The following PCDHGA2 variants were observed in gnomAD, a reference collection of about 807,000 sequenced individuals.
PCDHGA2 encodes protocadherin gamma subfamily A, 2.
PCDHGA2 carries 40 observed loss-of-function variants against 59.2 expected under a neutral mutation model. The observed-to-expected ratio is 0.68, with a 90% CI of 0.52 to 0.88. The LOEUF is 0.88. PCDHGA2 is among the 40% of genes least tolerant of loss of function. The probability of loss-of-function intolerance (pLI) is 0.00; values close to 1 mark genes in which losing one functional copy is unlikely to be tolerated. For missense variants in PCDHGA2, 1,226 were observed against 1,204.0 expected (o/e 1.02, Z -0.27); for synonymous variants, 560 against 526.0 (o/e 1.06, Z -0.89).
At position 141,385,168 on chromosome 5, in the gene PCDHGA2, G is replaced by T. The variant is rs376175214; in HGVS notation, c.2424+43773G>T. On this transcript the variant is annotated intron_variant, in intron 1 of 3. Transcript: ENST00000394576. ...TTTCCTGCAGACCTATTCCCATGAG[G>T]TCTCCCTCACCGCGGACTCTCGGAA... 1.5e-5 allele frequency: 24 copies of T among 1,614,100 alleles called. No individual in the cohort carries two copies. Among genetic ancestry groups the T allele is most frequent in the Non-Finnish European group, 2.0e-5 (24 of 1,180,058 alleles).
intron 1 of PCDHGA2, among the ~76,000 whole-genome samples, chr5:141,348,950 C>T (rs1330872112): frequency 6.6e-6 from 1 of 152,180 alleles, no homozygotes; most frequent in Non-Finnish European, 1.5e-5. Context: ...CCTGGAACTA[C>T]AGAATAAGTT....
chr5:141,359,093 T>C (rs970886110), intron 1 of PCDHGA2, among the ~76,000 whole-genome samples: 2 of 152,204 alleles, frequency 1.3e-5, no homozygotes, highest in African/African-American at 4.8e-5. Context: ...AGTTTCTACA[T>C]GGTTTTGTAT....
At chr5:141,434,392 C>T (rs906051301) in intron 1 of PCDHGA2, among the ~76,000 whole-genome samples, 4 of 152,210 alleles carry the variant, frequency 2.6e-5, no homozygotes, top group African/African-American at 9.6e-5. Context: ...TGGCCATAAA[C>T]AAAATCTCTG....
At position 141,352,484 on chromosome 5, in the gene PCDHGA2, G is replaced by A. The variant is rs769609031; in HGVS notation, c.2424+11089G>A. 2.7e-5 allele frequency: 44 copies of A among 1,613,872 alleles called. No homozygotes were observed. The highest frequency in any genetic ancestry group is 1.8e-4 in the Admixed American group (11 of 60,004). On this transcript the variant is annotated intron_variant, in intron 1 of 3. Transcript: ENST00000394576. ...CGGGGTTCCTCCCAACCACAGCGAG[G>A]GGACTTTGCCCTATTCCTACAATCT...
At position 141,489,947 on chromosome 5, in the gene PCDHGA2, A is replaced by G. The variant is rs368977481; in HGVS notation, c.2425-4860A>G. The G allele has an allele frequency of 5.4e-5, 87 of 1,614,090 alleles. No individual in the cohort carries two copies. Among genetic ancestry groups the G allele is most frequent in the South Asian group, 6.6e-5 (6 of 91,094 alleles). ...ATCTCTGTCATCGTGCTGGACATCA[A>G]TGATAATGCTCCAACCTTCCAATCC... On this transcript the variant is annotated intron_variant, in intron 1 of 3. Transcript: ENST00000394576. This position sits in a 1 kb window ranked among gnomAD's most constrained non-coding sequence, Gnocchi z 4.5.
At chr5:141,421,994 T>A (rs765586654) in intron 1 of PCDHGA2, 3 of 1,608,922 alleles carry the variant, frequency 1.9e-6, no homozygotes, top group Non-Finnish European at 2.5e-6. Flanking sequence ...CCAGAAAACA[T>A]CAGCTCCGGA....
At chr5:141,463,741 C>T (rs1011021860) in intron 1 of PCDHGA2, among the ~76,000 whole-genome samples, 3 of 152,034 alleles carry the variant, frequency 2.0e-5, no homozygotes, top group Admixed American at 1.3e-4. Context: ...CCACCGCGCC[C>T]GGCCTGCTTC....
intron 1 of PCDHGA2, chr5:141,372,934 G>A (rs1469163224): frequency 3.5e-6 from 3 of 866,562 alleles, no homozygotes; most frequent in Non-Finnish European, 5.1e-6. Flanking sequence ...CTGGTGTAGA[G>A]TAGGGTGTCT....
At chr5:141,352,825 T>TAAAATTACA in intron 1 of PCDHGA2, 1 of 778,004 alleles carries the variant, frequency 1.3e-6, no homozygotes, top group Non-Finnish European at 2.0e-6. Context: ...CCCGGTCTAC[T>TAAAATTACA]AAAATTACAA....
chr5:141,477,710 GA>G lies in PCDHGA2; in HGVS notation c.2425-17095del. ...GCCCCTAGACTATGAGGATCGGCGG[GA>G]ATTTGAATTAACAGCTCATATCAGC... On this transcript the variant is annotated intron_variant, in intron 1 of 3. Coordinates refer to ENST00000394576, the MANE Select transcript of PCDHGA2 (RefSeq NM_018915.4). This position sits in a 1 kb window ranked among gnomAD's most constrained non-coding sequence, Gnocchi z 4.9. 2 of 1,613,918 alleles carry G rather than the reference GA, an allele frequency of 1.2e-6. No individual in the cohort carries two copies. Among genetic ancestry groups the G allele is most frequent in the Non-Finnish European group, 1.7e-6 (2 of 1,180,044 alleles).
chr5:141,365,291 G>A (rs1485820114), intron 1 of PCDHGA2: 2 of 1,614,008 alleles, frequency 1.2e-6, no homozygotes, highest in Admixed American at 3.3e-5. Flanking sequence ...GGAAGTGGTA[G>A]CTCAGGATGG....
At chr5:141,376,518 T>G in intron 1 of PCDHGA2, 1 of 1,613,924 alleles carries the variant, frequency 6.2e-7, no homozygotes, top group Non-Finnish European at 8.5e-7. Context: ...GTGAGTTTCT[T>G]TCCGCCTAAG....
Position 141,491,401 on chromosome 5 carries a change from G to A in PCDHGA2, c.2425-3406G>A. The A allele has an allele frequency of 6.2e-7, 1 of 1,614,100 alleles. No homozygotes were observed. ...GTCAGCGAAGTGCCTTCAGGGAAAC[G>A]CAGACGGGGACGGGGGTGGAGGGCA... On this transcript the variant is annotated intron_variant, in intron 1 of 3. Transcript: ENST00000394576. This position sits in a 1 kb window ranked among gnomAD's most constrained non-coding sequence, Gnocchi z 6.9.
intron 1 of PCDHGA2, chr5:141,365,387 ACC>A (rs1763882130): frequency 6.2e-7 from 1 of 1,613,814 alleles, no homozygotes; most frequent in African/African-American, 1.3e-5. Context: ...CACCTCTCTG[ACC>A]AGTTCGATCT....
At chr5:141,408,687 T>C (rs1394182828) in intron 1 of PCDHGA2, 3 of 1,613,928 alleles carry the variant, frequency 1.9e-6, no homozygotes, top group East Asian at 2.2e-5. Flanking sequence ...GATCCTGATA[T>C]AAACATAAAC....
intron 1 of PCDHGA2, among the ~76,000 whole-genome samples, chr5:141,480,916 A>C (rs991166066): frequency 6.6e-6 from 1 of 152,106 alleles, no homozygotes; most frequent in East Asian, 1.9e-4. Flanking sequence ...ATGGTGGCGC[A>C]TACCTGTAGT....
chr5:141,433,703 G>T (rs1561871157), intron 1 of PCDHGA2, among the ~76,000 whole-genome samples: 1 of 152,098 alleles, frequency 6.6e-6, no homozygotes, highest in Non-Finnish European at 1.5e-5. Flanking sequence ...CGGGCGTGGT[G>T]GTGCATGTCT....
chr5:141,410,788 C>A, intron 1 of PCDHGA2: 2 of 712,228 alleles, frequency 2.8e-6, no homozygotes, highest in Non-Finnish European at 4.0e-6. Context: ...GTATTTGGTT[C>A]ATAAGTTGCT....
chr5:141,428,338 T>G, intron 1 of PCDHGA2: 7 of 592,492 alleles, frequency 1.2e-5, no homozygotes, highest in East Asian at 3.1e-5. Flanking sequence ...TATGCTCTTC[T>G]TCCTCGCAGT....
Sources: allele counts gnomAD v4.1 joint callset (sites outside exome capture counted in the v4.1 genomes callset), GRCh38; gene constraint gnomAD v4.1.1; non-coding constraint Gnocchi (gnomAD v3.1); transcripts MANE v1.5; gene names NCBI Gene and HGNC (gene_info 2026-07-23, HGNC 2026-07-21).